Variants in ABCB10 observed in about 807,000 individuals in gnomAD.
The protein encoded by ABCB10 is ATP binding cassette subfamily B member 10.
A neutral mutation model predicts 65.4 loss-of-function variants in ABCB10; 54 were observed. The observed-to-expected ratio is 0.83, with a 90% CI of 0.66 to 1.04. The LOEUF is 1.04. Among genes scored for constraint, ABCB10 ranks in the 50% least tolerant of loss-of-function variants. The probability of loss-of-function intolerance (pLI) is 0.00; values close to 1 mark genes in which losing one functional copy is unlikely to be tolerated. For missense variants in ABCB10, 846 were observed against 976.6 expected (o/e 0.87, Z 1.78); for synonymous variants, 418 against 406.5 (o/e 1.03, Z -0.34).
chr1:229,558,448 T>C lies in ABCB10; in HGVS notation c.205A>G (p.Arg69Gly). 1 of 1,219,918 alleles carries C rather than the reference T, an allele frequency of 8.2e-7. No homozygotes were observed. The highest frequency in any genetic ancestry group is 1.0e-6 in the Non-Finnish European group (1 of 983,284). 75.6% of individuals were successfully genotyped at this position (1,219,918 alleles called of 1,614,324 possible). Reference sequence around the variant, plus strand: ...GGACCCCCGCCCCGGCAGCCGCTCCTCCAGCGGCGCGCGGCTCCAACGCCC... The same window carrying C: ...GGACCCCCGCCCCGGCAGCCGCTCCCCCAGCGGCGCGCGGCTCCAACGCCC... ...LWGVGAARRWRSGCRGGGPGA... is the reference protein window; with the variant it reads ...LWGVGAARRWGSGCRGGGPGA... The change falls in exon 1 of 13, where the codon AGG becomes GGG. Residue 69 changes from arginine to glycine, a missense_variant. Arg to Gly is a moderately radical substitution (Grantham distance 125). Around this residue, in one of 2 missense-constraint regions of ABCB10, gnomAD observed 214 missense variants for 173.5 expected, o/e 1.23. Coordinates refer to ENST00000344517, the MANE Select transcript of ABCB10 (RefSeq NM_012089.3).
At chr1:229,528,339 CT>C (rs1319304854) in intron 8 of ABCB10, among the ~76,000 whole-genome samples, 1 of 147,150 alleles carries the variant, frequency 6.8e-6, no homozygotes, top group Non-Finnish European at 1.5e-5. Context: ...TTTTTTTTTC[CT>C]TTTTATGGAG....
At chr1:229,520,071 C>T (rs1175509477) in intron 11 of ABCB10, among the ~76,000 whole-genome samples, 2 of 135,842 alleles carry the variant, frequency 1.5e-5, no homozygotes, top group African/African-American at 5.8e-5. Context: ...GAGGTCAAGG[C>T]TACAAGTGAG....
chr1:229,543,421 A>G (rs889730247), intron 3 of ABCB10, among the ~76,000 whole-genome samples: 1 of 152,240 alleles, frequency 6.6e-6, no homozygotes, highest in Non-Finnish European at 1.5e-5. Flanking sequence ...AAAATCTACC[A>G]TATCTCATTT....
At chr1:229,528,528 C>T (rs374709912) in intron 8 of ABCB10, among the ~76,000 whole-genome samples, 9 of 152,008 alleles carry the variant, frequency 5.9e-5, no homozygotes, top group East Asian at 5.8e-4. Flanking sequence ...AAAGTGATTC[C>T]AGAGACAAAC....
chr1:229,556,024 T>C (rs983538293), intron 1 of ABCB10, among the ~76,000 whole-genome samples: 1 of 151,966 alleles, frequency 6.6e-6, no homozygotes, highest in African/African-American at 2.4e-5. Flanking sequence ...GCTTGTTTCT[T>C]CAAATTATAT....
At position 229,517,957 on chromosome 1, in the gene ABCB10, T is replaced by G. The variant is rs944176236; in HGVS notation, c.*222A>C. 6.5e-6 allele frequency: 3 copies of G among 460,082 alleles called. No homozygotes were observed. The Admixed American group carries it at 1.2e-4, about 18-fold the overall frequency. The allele number at this position is 460,082 out of a possible 1,614,324, so 28.5% of individuals were successfully genotyped here. Reference sequence around the variant, plus strand: ...AGAAAATACAAAACCTGAAAATAACTTCAGTGCTATAGACATTTAAAAAGT... The same window carrying G: ...AGAAAATACAAAACCTGAAAATAACGTCAGTGCTATAGACATTTAAAAAGT... On this transcript the variant is annotated 3_prime_UTR_variant, in exon 13 of 13. Coordinates refer to ENST00000344517, the MANE Select transcript of ABCB10 (RefSeq NM_012089.3).
At chr1:229,556,854 G>A (rs921921336) in intron 1 of ABCB10, among the ~76,000 whole-genome samples, 2 of 152,184 alleles carry the variant, frequency 1.3e-5, no homozygotes, top group African/African-American at 2.4e-5. Flanking sequence ...CACTCTGAGC[G>A]CCTGCTCTGT....
At chr1:229,536,527 A>T (rs1382984189) in intron 6 of ABCB10, among the ~76,000 whole-genome samples, 1 of 152,178 alleles carries the variant, frequency 6.6e-6, no homozygotes, top group Non-Finnish European at 1.5e-5. Flanking sequence ...AAAACAAAAA[A>T]GAAGTAAAGG....
intron 1 of ABCB10, 40 bp downstream of exon 1, chr1:229,558,096 G>A (rs1467110203): frequency 7.6e-7 from 1 of 1,318,648 alleles, no homozygotes; most frequent in East Asian, 3.2e-5. Flanking sequence ...TGTGGAGAAG[G>A]AGAGGCCCGG....
chr1:229,518,198 T>G lies in ABCB10; in HGVS notation c.2198A>C (p.Gln733Pro), dbSNP rs1174086550. The G allele has an allele frequency of 6.2e-7, 1 of 1,613,748 alleles. No individual in the cohort carries two copies. The highest frequency in any genetic ancestry group is 1.3e-5 in the African/African-American group (1 of 75,028). The change falls in exon 13 of 13, where the codon CAA becomes CCA. Residue 733 changes from glutamine (Q) to proline (P), a missense_variant. Around this residue, in one of 2 missense-constraint regions of ABCB10, gnomAD observed 632 missense variants for 803.2 expected, o/e 0.79. Transcript: ENST00000344517. ...GCTTCCTTATGCTGAAATAAAACTT[T>G]GTTTGTTCATTAGTTTTCTGTATAT... ...NGIYRKLMNK[Q>P]SFISA
At chr1:229,552,606 G>A (rs1002477799) in intron 1 of ABCB10, among the ~76,000 whole-genome samples, 2 of 152,200 alleles carry the variant, frequency 1.3e-5, no homozygotes, top group Non-Finnish European at 2.9e-5. Flanking sequence ...GGTGGTTGGA[G>A]GAAGCTGTAC....
At chr1:229,540,065 T>C (rs1662808041) in intron 5 of ABCB10, among the ~76,000 whole-genome samples, 2 of 152,242 alleles carry the variant, frequency 1.3e-5, no homozygotes. Context: ...CCTTATCTGT[T>C]AATCATAGCA....
At chr1:229,542,826 G>A (rs1662882635) in intron 3 of ABCB10, among the ~76,000 whole-genome samples, 1 of 151,868 alleles carries the variant, frequency 6.6e-6, no homozygotes, top group African/African-American at 2.4e-5. Flanking sequence ...AGATGGTGAA[G>A]TCACCAAAAA....
chr1:229,538,040 A>T (rs892481886), intron 6 of ABCB10, among the ~76,000 whole-genome samples: 2 of 152,176 alleles, frequency 1.3e-5, no homozygotes, highest in African/African-American at 2.4e-5. Flanking sequence ...AAGACAGTTG[A>T]CCAGAGTTGT....
At chr1:229,549,141 G>T in intron 2 of ABCB10, 93 bp downstream of exon 2, 1 of 1,343,716 alleles carries the variant, frequency 7.4e-7, no homozygotes, top group Non-Finnish European at 1.1e-6. Flanking sequence ...AGAGAATGGA[G>T]CCTGGAGCAC....
chr1:229,528,198 A>G (rs535707890), intron 8 of ABCB10, among the ~76,000 whole-genome samples: 1 of 152,348 alleles, frequency 6.6e-6, no homozygotes, highest in Admixed American at 6.5e-5. Flanking sequence ...AAAGCTCTTT[A>G]TAGACTACAC....
At chr1:229,551,607 C>T (rs1663118604) in intron 1 of ABCB10, among the ~76,000 whole-genome samples, 1 of 152,158 alleles carries the variant, frequency 6.6e-6, no homozygotes, top group African/African-American at 2.4e-5. Flanking sequence ...CTTAAAATCC[C>T]ATAATCACAA....
rs1231785812 is a variant in ABCB10, at chr1:229,547,830, G to C, written c.719-129C>G. On this transcript the variant is annotated intron_variant, in intron 2 of 12. Coordinates refer to ENST00000344517, the MANE Select transcript of ABCB10 (RefSeq NM_012089.3). ...CCTGAGCAATGCAGCCTCTGAGCGT[G>C]TCTGCTGCACTGTATCCCATGGGTG... 6 of 814,112 alleles carry C rather than the reference G, an allele frequency of 7.4e-6. No homozygotes were observed. The Admixed American group carries it at 1.3e-4, about 17-fold the overall frequency. The allele number at this position is 814,112 out of a possible 1,614,324, so 50.4% of individuals were successfully genotyped here.
intron 10 of ABCB10, among the ~76,000 whole-genome samples, chr1:229,524,164 T>C (rs1394614773): frequency 6.9e-6 from 1 of 144,542 alleles, no homozygotes; most frequent in African/African-American, 2.6e-5. Context: ...AAGTTTTTTG[T>C]TTTTTTTTTT....
Sources: allele counts gnomAD v4.1 joint callset (sites outside exome capture counted in the v4.1 genomes callset), GRCh38; gene constraint gnomAD v4.1.1; regional missense constraint gnomAD v4.1.1; transcripts MANE v1.5; gene names NCBI Gene and HGNC (gene_info 2026-07-23, HGNC 2026-07-21).